OPCML: variants seen among roughly 807,000 people sequenced by gnomAD.
OPCML encodes the protein opioid binding protein/cell adhesion molecule like.
A neutral mutation model predicts 37.8 loss-of-function variants in OPCML; 13 were observed. The ratio of observed to expected loss-of-function variants is 0.34; its 90% CI spans 0.22 to 0.55. The LOEUF is 0.55. OPCML is among the 20% of genes least tolerant of loss of function. The pLI, the probability that OPCML is intolerant of heterozygous loss-of-function variation, is 0.91. For synonymous variants in OPCML, 176 were observed against 168.8 expected (o/e 1.04, Z -0.33); for missense variants, 341 against 435.6 (o/e 0.78, Z 1.93).
At chr11:133,163,625 G>T (rs530959704) in intron 1 of OPCML, among the ~76,000 whole-genome samples, 1 of 152,256 alleles carries the variant, frequency 6.6e-6, no homozygotes, top group South Asian at 2.1e-4. Context: ...CGTCTTTCTG[G>T]CTGTCTGGAC....
At chr11:133,032,247 A>G (rs1947688718) in intron 1 of OPCML, among the ~76,000 whole-genome samples, 1 of 152,208 alleles carries the variant, frequency 6.6e-6, no homozygotes, top group Admixed American at 6.5e-5. Flanking sequence ...TTTAAAGTTG[A>G]GCAAATGACT....
At chr11:132,680,712 A>G (rs899358403) in intron 2 of OPCML, among the ~76,000 whole-genome samples, 18 of 152,204 alleles carry the variant, frequency 1.2e-4, no homozygotes, top group African/African-American at 3.9e-4. Flanking sequence ...CACTGTGGAT[A>G]AGCTCTTTAT....
chr11:133,266,734 G>A (rs1213135024), intron 1 of OPCML, among the ~76,000 whole-genome samples: 1 of 152,162 alleles, frequency 6.6e-6, no homozygotes, highest in Non-Finnish European at 1.5e-5. Flanking sequence ...GAATGAGGAT[G>A]GGTTGAGTAT....
chr11:133,194,172 T>TCCTTC (rs551103821), intron 1 of OPCML, among the ~76,000 whole-genome samples: 3 of 150,868 alleles, frequency 2.0e-5, no homozygotes, highest in African/African-American at 4.9e-5. Context: ...CGATGGCCAT[T>TCCTTC]CCTTCCCTTC....
intron 2 of OPCML, among the ~76,000 whole-genome samples, chr11:132,700,875 T>C (rs1379560485): frequency 1.3e-5 from 2 of 152,172 alleles, no homozygotes; most frequent in Non-Finnish European, 2.9e-5. Flanking sequence ...TCGTTGAAAA[T>C]AATGTATTCA....
At chr11:132,485,410 G>A (rs907515649) in intron 4 of OPCML, among the ~76,000 whole-genome samples, 5 of 152,128 alleles carry the variant, frequency 3.3e-5, no homozygotes, top group Admixed American at 1.3e-4. Context: ...ACAACCAAAA[G>A]CACAGACCTT....
chr11:133,232,474 A>G (rs1391855968), intron 1 of OPCML, among the ~76,000 whole-genome samples: 1 of 152,202 alleles, frequency 6.6e-6, no homozygotes, highest in Non-Finnish European at 1.5e-5. Context: ...AGTGTGATGC[A>G]TTATAAAGTC....
Position 132,895,533 on chromosome 11 carries a change from C to A in OPCML, c.146+47393G>T, listed in dbSNP as rs537663035. Among the ~76,000 whole-genome samples the A allele has an allele frequency of 2.6e-5, 4 of 152,270 alleles. No individual in the cohort carries two copies. The East Asian group carries it at 7.7e-4, about 29-fold the overall frequency. On this transcript the variant is annotated intron_variant, in intron 2 of 7. Coordinates refer to ENST00000524381, the MANE Select transcript of OPCML (RefSeq NM_001012393.5). ...AAAGCTGAACTCTCAGCTCCGCAGG[C>A]GTCTGTGGTTAAAGTGAGGCCATTG... is the stretch of plus-strand genomic sequence containing the variant.
chr11:133,526,683 C>T (rs539687697), intron 1 of OPCML, among the ~76,000 whole-genome samples: 1 of 152,254 alleles, frequency 6.6e-6, no homozygotes, highest in African/African-American at 2.4e-5. Context: ...ACATCCATGC[C>T]CTACTGTGTT....
intron 1 of OPCML, among the ~76,000 whole-genome samples, chr11:133,493,664 T>A (rs1007902331): frequency 6.6e-6 from 1 of 152,176 alleles, no homozygotes; most frequent in South Asian, 2.1e-4. Context: ...ATTGCAGTCA[T>A]CTTAATTACT....
intron 1 of OPCML, among the ~76,000 whole-genome samples, chr11:133,233,775 T>C (rs1202783932): frequency 1.3e-5 from 2 of 152,214 alleles, no homozygotes; most frequent in Non-Finnish European, 2.9e-5. Context: ...TTGCATGCTT[T>C]TCTCCTGTTA....
At chr11:132,604,491 A>C (rs1294768391) in intron 3 of OPCML, among the ~76,000 whole-genome samples, 1 of 151,996 alleles carries the variant, frequency 6.6e-6, no homozygotes, top group Non-Finnish European at 1.5e-5. Context: ...GAAGTTTCCA[A>C]AATCATCAGC....
chr11:133,458,081 G>T (rs1946713485), intron 1 of OPCML, among the ~76,000 whole-genome samples: 1 of 151,890 alleles, frequency 6.6e-6, no homozygotes, highest in African/African-American at 2.4e-5. Flanking sequence ...AGGAGGCAGA[G>T]GTTGCAGTGA....
chr11:132,473,815 A>C (rs2096145645), intron 4 of OPCML, among the ~76,000 whole-genome samples: 3 of 151,276 alleles, frequency 2.0e-5, no homozygotes, highest in Non-Finnish European at 4.4e-5. Context: ...GACAGAGTGA[A>C]ACTCTGTCAC....
intron 1 of OPCML, among the ~76,000 whole-genome samples, chr11:133,368,251 G>C (rs1218806768): frequency 2.0e-5 from 3 of 151,640 alleles, no homozygotes; most frequent in Non-Finnish European, 2.9e-5. Flanking sequence ...TGAGGTGGGG[G>C]GGGGAAGGAG....
At chr11:133,187,746 C>T (rs190231091) in intron 1 of OPCML, among the ~76,000 whole-genome samples, 213 of 152,276 alleles carry the variant, frequency 1.4e-3, no homozygotes, top group Middle Eastern at 3.4e-3. Flanking sequence ...AGGTATCATA[C>T]GCATATATTG....
intron 1 of OPCML, among the ~76,000 whole-genome samples, chr11:133,368,766 G>T (rs1307337420): frequency 6.6e-6 from 1 of 152,100 alleles, no homozygotes; most frequent in Non-Finnish European, 1.5e-5. Context: ...CTGAAAATAA[G>T]AAGGCATTAG....
intron 1 of OPCML, among the ~76,000 whole-genome samples, chr11:133,277,784 G>A (rs1206817309): frequency 6.6e-6 from 1 of 151,692 alleles, no homozygotes; most frequent in Non-Finnish European, 1.5e-5. Flanking sequence ...ATATATATAT[G>A]TATAATATAC....
intron 2 of OPCML, among the ~76,000 whole-genome samples, chr11:132,869,402 C>G (rs1020395217): frequency 6.6e-6 from 1 of 152,116 alleles, no homozygotes; most frequent in African/African-American, 2.4e-5. Flanking sequence ...GCTTATATAA[C>G]AGAGCAAAGT....
Sources: allele counts gnomAD v4.1 joint callset (sites outside exome capture counted in the v4.1 genomes callset), GRCh38; gene constraint gnomAD v4.1.1; transcripts MANE v1.5; gene names NCBI Gene and HGNC (gene_info 2026-07-23, HGNC 2026-07-21).